The following CEP41 variants were observed in gnomAD, a reference collection of about 807,000 sequenced individuals.
CEP41 encodes centrosomal protein 41.
CEP41 carries 32 observed loss-of-function variants against 44.3 expected under a neutral mutation model. The ratio of observed to expected loss-of-function variants is 0.72; its 90% CI spans 0.54 to 0.97. CEP41 has a LOEUF of 0.97. Among genes scored for constraint, CEP41 ranks in the 50% least tolerant of loss-of-function variants. The pLI is 0.00. For synonymous variants in CEP41, 151 were observed against 168.5 expected (o/e 0.90, Z 0.80); for missense variants, 432 against 455.2 (o/e 0.95, Z 0.46).
At chr7:130,424,111 G>C (rs1394992676) in intron 2 of CEP41, among the ~76,000 whole-genome samples, 8 of 152,118 alleles carry the variant, frequency 5.3e-5, no homozygotes, top group African/African-American at 1.9e-4. Flanking sequence ...TAAAGAAAAA[G>C]AAAGGCTGGG....
intron 1 of CEP41, among the ~76,000 whole-genome samples, chr7:130,431,356 A>C (rs1457739326): frequency 6.6e-6 from 1 of 152,104 alleles, no homozygotes; most frequent in East Asian, 1.9e-4. Context: ...TTGAGCACCA[A>C]CCATTCATTT....
intron 2 of CEP41, among the ~76,000 whole-genome samples, chr7:130,422,385 T>C (rs530865643): frequency 1.3e-5 from 2 of 152,292 alleles, no homozygotes; most frequent in South Asian, 4.1e-4. Context: ...ACTTGGGCTA[T>C]AAGGTCCCTT....
At position 130,398,602 on chromosome 7, in the gene CEP41, T is replaced by C. The variant is rs1315379340; in HGVS notation, c.*289A>G. On this transcript the variant is annotated 3_prime_UTR_variant, in exon 11 of 11. Transcript: ENST00000223208. Reference sequence around the variant, plus strand: ...AAACAAAACAAAAAAACTAAAAACGTAGATACTTTTTTCCTATACAGTTTC... The same window carrying C: ...AAACAAAACAAAAAAACTAAAAACGCAGATACTTTTTTCCTATACAGTTTC... 1 of 584,334 alleles carries C rather than the reference T, an allele frequency of 1.7e-6. No individual in the cohort carries two copies. Among genetic ancestry groups the C allele is most frequent in the African/African-American group, 1.8e-5 (1 of 54,222 alleles). The allele number at this position is 584,334 out of a possible 1,614,324, so 36.2% of individuals were successfully genotyped here.
rs2117525616 is a variant in CEP41, at chr7:130,395,110, A to AT, written c.*3780dup. On this transcript the variant is annotated 3_prime_UTR_variant, in exon 11 of 11. Transcript: ENST00000223208. The stretch of plus-strand genomic sequence containing the variant: ...AAGGCTGACAAATTTCCACCATTAC[A>AT]TTTTTTATGTTGTAACTGACCTGTG... 1 of 454,068 alleles carries AT rather than the reference A, an allele frequency of 2.2e-6. No homozygotes were observed. 28.1% of individuals were successfully genotyped at this position (454,068 alleles called of 1,614,324 possible). A position where few individuals can be genotyped will look rare whatever the true frequency, so the allele number is the denominator to read the frequency against.
chr7:130,418,359 G>A (rs1172321974), intron 2 of CEP41, among the ~76,000 whole-genome samples: 9 of 152,196 alleles, frequency 5.9e-5, no homozygotes, highest in Non-Finnish European at 1.2e-4. Context: ...CTTCAGAGCA[G>A]AAGCCACAAT....
rs1798041450 is a variant in CEP41, at chr7:130,438,442, T to C, written c.33+2492A>G. On this transcript the variant is annotated intron_variant, in intron 1 of 10. Coordinates refer to ENST00000223208, the MANE Select transcript of CEP41 (RefSeq NM_018718.3). ...GGCTTTGTTGGTGTGCGCCATAGTC[T>C]CAGCTACCCAGGAAGCTGAGGCTGG... 2.0e-5 allele frequency among the ~76,000 whole-genome samples: 3 copies of C among 151,992 alleles called. No homozygotes were observed. In the South Asian group the frequency reaches 6.2e-4, roughly 32 times the overall value.
In CEP41 at chr7:130,398,307, GC is replaced by G. The variant is rs782595215; in HGVS notation, c.*583del. ...AATTTCAGTGAGTACACAGGCACTG[GC>G]TTCCATACTCAAAACAGGGCCTGCA... On this transcript the variant is annotated 3_prime_UTR_variant, in exon 11 of 11. Transcript: ENST00000223208. 1.5e-5 allele frequency: 7 copies of G among 453,936 alleles called. No individual in the cohort carries two copies. The highest frequency in any genetic ancestry group is 2.6e-5 in the Non-Finnish European group (6 of 226,788). The allele number at this position is 453,936 out of a possible 1,614,324, so 28.1% of individuals were successfully genotyped here. A position where few individuals can be genotyped will look rare whatever the true frequency, so the allele number is the denominator to read the frequency against.
chr7:130,440,864 T>A, intron 1 of CEP41, 70 bp downstream of exon 1: 3 of 1,576,962 alleles, frequency 1.9e-6, no homozygotes, highest in Non-Finnish European at 2.6e-6. Context: ...TGGCTGCTCT[T>A]CCCTGCCCAC....
chr7:130,421,354 T>C (rs1797502247), intron 2 of CEP41: 1 of 985,360 alleles, frequency 1.0e-6, no homozygotes, highest in African/African-American at 1.7e-5. Context: ...ATTTCCCTCC[T>C]CTATGGAGAA....
rs781947734 is a variant in CEP41 at position 130,400,749 on chromosome 7, T to C, written c.715A>G (p.Met239Val). 1.9e-6 allele frequency: 3 copies of C among 1,613,706 alleles called. No individual in the cohort carries two copies. The highest frequency in any genetic ancestry group is 2.5e-6 in the Non-Finnish European group (3 of 1,179,788). Residue 239 changes from methionine to valine, a missense_variant, in exon 9 of 11, where the codon ATG becomes GTG. Met to Val is a conservative substitution (Grantham distance 21). Coordinates refer to ENST00000223208, the MANE Select transcript of CEP41 (RefSeq NM_018718.3). ...ERLASQAATTMCERGFENLFM... is the reference protein window; with the variant it reads ...ERLASQAATTVCERGFENLFM... The stretch of plus-strand genomic sequence containing the variant: ...AGGTTTTCAAATCCACGCTCGCACA[T>C]GGTGGTGGCCGCCTGACTGGCCAGC...
chr7:130,441,016 T>C lies in CEP41; in HGVS notation c.-50A>G. The C allele has an allele frequency of 6.3e-7, 1 of 1,592,778 alleles. No homozygotes were observed. The highest frequency in any genetic ancestry group is 8.6e-7 in the Non-Finnish European group (1 of 1,164,160). ...GGGTTCTAGCCTCACGGGTTGCCTCTAACCCTAGCTTCCTACCCCCACAAC... is the reference window on the plus strand; with the variant it reads ...GGGTTCTAGCCTCACGGGTTGCCTCCAACCCTAGCTTCCTACCCCCACAAC... On this transcript the variant is annotated 5_prime_UTR_variant, in exon 1 of 11. Coordinates refer to ENST00000223208, the MANE Select transcript of CEP41 (RefSeq NM_018718.3).
chr7:130,439,699 G>GT (rs1182971212), intron 1 of CEP41, among the ~76,000 whole-genome samples: 2 of 152,046 alleles, frequency 1.3e-5, no homozygotes, highest in African/African-American at 4.8e-5. Flanking sequence ...TCTCAGCCTA[G>GT]TACCAGGCAG....
chr7:130,413,670 T>C (rs1797252136), intron 3 of CEP41, among the ~76,000 whole-genome samples: 2 of 152,230 alleles, frequency 1.3e-5, no homozygotes, highest in Admixed American at 6.5e-5. Flanking sequence ...TAGGTACTTC[T>C]GCACTTGTGT....
At chr7:130,421,372 T>C (rs1400381092) in intron 2 of CEP41, 1 of 985,372 alleles carries the variant, frequency 1.0e-6, no homozygotes, top group Non-Finnish European at 1.2e-6. Context: ...GAAGTTCTCT[T>C]GGCTTGGAAG....
chr7:130,435,011 C>CTTTTACTGAGTAAAATAT (rs879953658), intron 1 of CEP41, among the ~76,000 whole-genome samples: 33 of 152,208 alleles, frequency 2.2e-4, no homozygotes, highest in African/African-American at 7.0e-4. Context: ...GAAGTCATTA[C>CTTTTACTGAGTAAAATAT]ACTGAGGTAT....
chr7:130,401,379 C>T (rs1298211915), intron 8 of CEP41, among the ~76,000 whole-genome samples: 1 of 151,674 alleles, frequency 6.6e-6, no homozygotes, highest in Non-Finnish European at 1.5e-5. Flanking sequence ...AAGGTTTCAA[C>T]TTTGTTAAAA....
chr7:130,431,962 T>C lies in CEP41; in HGVS notation c.34-3944A>G, dbSNP rs78870818. ...ATTTTTGGTTGTCCCAACTGGGTGGTAGGAGGTGCTACTGGCATCTTAGTG... is the reference window on the plus strand; with the variant it reads ...ATTTTTGGTTGTCCCAACTGGGTGGCAGGAGGTGCTACTGGCATCTTAGTG... On this transcript the variant is annotated intron_variant, in intron 1 of 10. Transcript: ENST00000223208. Among the ~76,000 whole-genome samples the C allele has an allele frequency of 8.9e-4, 136 of 152,170 alleles. 1 individual carries two copies. The East Asian group carries it at 0.022, about 24-fold the overall frequency.
At chr7:130,405,782 T>C (rs938079480) in intron 5 of CEP41, among the ~76,000 whole-genome samples, 4 of 152,232 alleles carry the variant, frequency 2.6e-5, no homozygotes, top group African/African-American at 7.2e-5. Context: ...TTTCAGATTC[T>C]ACATTACAGC....
rs140612987 is a variant in CEP41 at position 130,396,061 on chromosome 7, C to T, written c.*2830G>A. The T allele has an allele frequency of 1.4e-4, 63 of 454,012 alleles. No individual in the cohort carries two copies. The highest frequency in any genetic ancestry group is 1.1e-3 in the African/African-American group (56 of 50,094). 28.1% of individuals were successfully genotyped at this position (454,012 alleles called of 1,614,324 possible). A position where few individuals can be genotyped will look rare whatever the true frequency, so the allele number is the denominator to read the frequency against. On this transcript the variant is annotated 3_prime_UTR_variant, in exon 11 of 11. Transcript: ENST00000223208. ...GCTTCTTTTCTTCTCTCTGCCCTCCCTTCTTCCCATTTCCTTGCTTCTTTC... is the reference window on the plus strand; with the variant it reads ...GCTTCTTTTCTTCTCTCTGCCCTCCTTTCTTCCCATTTCCTTGCTTCTTTC...
Sources: gnomAD v4.1 joint callset for allele counts (sites outside exome capture counted in the v4.1 genomes callset) on GRCh38, gnomAD v4.1.1 for gene constraint, MANE v1.5 for transcripts, NCBI Gene and HGNC (gene_info 2026-07-23, HGNC 2026-07-21) for gene names.